The following HPS4 variants were observed in gnomAD, a reference collection of about 807,000 sequenced individuals.
HPS4 encodes the protein HPS4 biogenesis of lysosomal organelles complex 3 subunit 2, also known as BLOC-3 complex member HPS4.
In HPS4, 44 loss-of-function variants were observed where a neutral mutation model predicts 70.3. That is an observed-to-expected ratio of 0.63 (90% CI 0.49 to 0.80). The LOEUF (loss-of-function observed/expected upper bound fraction) is 0.80. HPS4 is among the 30% of genes least tolerant of loss of function. The pLI, the probability that HPS4 is intolerant of heterozygous loss-of-function variation, is 0.00. For missense variants in HPS4, 873 were observed against 884.4 expected, an observed-to-expected ratio of 0.99 and a Z score of 0.16; for synonymous variants, 377 against 355.9, an observed-to-expected ratio of 1.06 and a Z score of -0.67.
chr22:26,444,997 G>T (rs146214359), intron 3 of HPS4: 1 of 152,292 alleles, frequency 6.6e-6, no homozygotes, highest in African/African-American at 2.4e-5. Context: ...ATAAATAAAG[G>T]ATCTTGCTGA....
chr22:26,462,924 G>C (rs551694112), intron 11 of HPS4, among the ~76,000 whole-genome samples: 1 of 152,216 alleles, frequency 6.6e-6, no homozygotes, highest in Admixed American at 6.5e-5. Flanking sequence ...TAGGAGCTCT[G>C]TGCAAGGAAG....
chr22:26,470,832 A>G lies in HPS4; in HGVS notation c.502-19T>C, dbSNP rs1236578534. ...GCTCCACCTGTGCAGGGCAAGAGGC[A>G]TCATGCCCACCCATCAGCATGCTCA... On this transcript the variant is annotated intron_variant, in intron 6 of 13. Coordinates refer to ENST00000398145, the MANE Select transcript of HPS4 (RefSeq NM_022081.6). 1 of 1,613,924 alleles carries G rather than the reference A, an allele frequency of 6.2e-7. No individual in the cohort carries two copies. Among genetic ancestry groups the G allele is most frequent in the Non-Finnish European group, 8.5e-7 (1 of 1,179,832 alleles).
chr22:26,474,565 A>G (rs2090270325), intron 4 of HPS4, among the ~76,000 whole-genome samples: 1 of 152,178 alleles, frequency 6.6e-6, no homozygotes, highest in Non-Finnish European at 1.5e-5. Flanking sequence ...AGCAATAACC[A>G]TAAAAAGATA....
chr22:26,445,952 G>GC (rs2084939429), downstream of HPS4, among the ~76,000 whole-genome samples: 1 of 152,134 alleles, frequency 6.6e-6, no homozygotes, highest in Non-Finnish European at 1.5e-5. Context: ...CCGGGCTGCC[G>GC]CATGTTTCCA....
At chr22:26,475,206 A>G (rs2090360742) in intron 4 of HPS4, among the ~76,000 whole-genome samples, 1 of 152,166 alleles carries the variant, frequency 6.6e-6, no homozygotes, top group Non-Finnish European at 1.5e-5. Context: ...ACAGATTGTG[A>G]TATATTCAGA....
intron 10 of HPS4, 150 bp downstream of exon 10, chr22:26,465,305 C>G: frequency 1.4e-6 from 1 of 697,980 alleles, no homozygotes; most frequent in Non-Finnish European, 2.6e-6. Flanking sequence ...TCTTAACAAA[C>G]TCAAGATTCA....
chr22:26,450,707 TG>T (rs1393136315), downstream of HPS4, among the ~76,000 whole-genome samples: 1 of 152,216 alleles, frequency 6.6e-6, no homozygotes, highest in Non-Finnish European at 1.5e-5. Flanking sequence ...ATGCTGTTCT[TG>T]TGACAGTTCT....
intron 12 of HPS4, 130 bp downstream of exon 12, chr22:26,458,315 A>C: frequency 8.8e-7 from 1 of 1,134,710 alleles, no homozygotes; most frequent in Non-Finnish European, 1.3e-6. Context: ...CGGTGAGAAG[A>C]GAGCCCTGAA....
At chr22:26,465,036 C>A (rs762775461) in intron 10 of HPS4, among the ~76,000 whole-genome samples, 1 of 152,238 alleles carries the variant, frequency 6.6e-6, no homozygotes, top group Non-Finnish European at 1.5e-5. Context: ...GACTCACCTA[C>A]TGAAAATGGC....
At chr22:26,475,243 T>C (rs997596949) in intron 4 of HPS4, 2 of 151,500 alleles carry the variant, frequency 1.3e-5, no homozygotes, top group Non-Finnish European at 2.9e-5. Context: ...GATAATAAAA[T>C]GGAACGAACG....
chr22:26,462,868 G>T (rs2285214), intron 11 of HPS4, among the ~76,000 whole-genome samples: 1 of 152,208 alleles, frequency 6.6e-6, no homozygotes, highest in Admixed American at 6.5e-5. Flanking sequence ...AGCGTCTGTG[G>T]AAAGGGCACA....
intron 1 of HPS4, 75 bp downstream of exon 1, chr22:26,483,599 A>AGGC (rs2091546480): frequency 1.6e-5 from 4 of 250,694 alleles, no homozygotes; most frequent in Non-Finnish European, 2.3e-5. Context: ...CCTAAGGATT[A>AGGC]GGCGGGGTCG....
intron 2 of HPS4, 33 bp downstream of exon 2, chr22:26,481,689 A>G: frequency 1.2e-6 from 2 of 1,610,230 alleles, no homozygotes; most frequent in Non-Finnish European, 1.7e-6. Context: ...ACAGCCCAGC[A>G]AAAGCTATGC....
chr22:26,482,617 G>A (rs1246077062), intron 1 of HPS4: 2 of 152,162 alleles, frequency 1.3e-5, no homozygotes, highest in Non-Finnish European at 2.9e-5. Context: ...AAAAAATGAA[G>A]AGAACTTTAT....
Position 26,458,553 on chromosome 22 carries a change from T to C in HPS4, c.1738A>G (p.Asn580Asp). The change falls in exon 12 of 14, where the codon AAT becomes GAT. Residue 580 changes from asparagine (N) to aspartate (D), a missense_variant. Asn to Asp is a conservative substitution (Grantham distance 23, BLOSUM62 1). Coordinates refer to ENST00000398145, the MANE Select transcript of HPS4 (RefSeq NM_022081.6). ...TCTTTCAGGTGGACTTCCAGCCCAT[T>C]CAGTGAAGCCAGGCTGCTGTGGTAC... ...EVYHSSLASL[N>D]GLEVHLKETL... The C allele has an allele frequency of 6.2e-7, 1 of 1,614,110 alleles. No homozygotes were observed. Among genetic ancestry groups the C allele is most frequent in the South Asian group, 1.1e-5 (1 of 91,084 alleles).
chr22:26,458,636 G>C, intron 11 of HPS4, 59 bp from the exon 12 acceptor site: 1 of 1,598,274 alleles, frequency 6.3e-7, no homozygotes, highest in Non-Finnish European at 8.6e-7. Flanking sequence ...CCTTCTGAGG[G>C]CTAGTTAACC....
rs2090010617 is a variant in HPS4 at position 26,472,760 on chromosome 22, A to C, written c.384+72T>G. ...ATGAAGTATACAAGACCCCAGAGTA[A>C]GTGCTGCATTCTGGCAATACCGGTT... On this transcript the variant is annotated intron_variant, in intron 5 of 13. Coordinates refer to ENST00000398145, the MANE Select transcript of HPS4 (RefSeq NM_022081.6). The C allele has an allele frequency of 1.4e-5, 15 of 1,102,058 alleles. No individual in the cohort carries two copies. The South Asian group carries it at 1.9e-4, about 14-fold the overall frequency. 68.3% of individuals were successfully genotyped at this position (1,102,058 alleles called of 1,614,324 possible).
downstream of HPS4, among the ~76,000 whole-genome samples, chr22:26,448,160 C>T (rs1363432945): frequency 1.3e-5 from 2 of 152,194 alleles, no homozygotes; most frequent in Non-Finnish European, 2.9e-5. Context: ...GCAGAAGGAC[C>T]ACACCCCTCC....
rs981653192 is a variant in HPS4, at chr22:26,451,979, C to T, written c.*1254G>A. The T allele has an allele frequency of 1.6e-4, 28 of 172,812 alleles. No homozygotes were observed. Among genetic ancestry groups the T allele is most frequent in the Non-Finnish European group, 2.8e-4 (24 of 87,040 alleles). 10.7% of individuals were successfully genotyped at this position (172,812 alleles called of 1,614,324 possible). ...CCAGGGAAGGAAAAGAGGGATGCGCCCACGTTACGCGCGCGCGCGCGCGCG... is the reference window on the plus strand; with the variant it reads ...CCAGGGAAGGAAAAGAGGGATGCGCTCACGTTACGCGCGCGCGCGCGCGCG... On this transcript the variant is annotated 3_prime_UTR_variant, in exon 14 of 14. Coordinates refer to ENST00000398145, the MANE Select transcript of HPS4 (RefSeq NM_022081.6).
Sources: gnomAD v4.1 joint callset for allele counts (sites outside exome capture counted in the v4.1 genomes callset) on GRCh38, gnomAD v4.1.1 for gene constraint, MANE v1.5 for transcripts, NCBI Gene and HGNC (gene_info 2026-07-23, HGNC 2026-07-21) for gene names.